Variants in OSTM1 observed in about 807,000 individuals in gnomAD.
The protein encoded by OSTM1 is osteoclastogenesis associated transmembrane protein 1, also known as osteopetrosis-associated transmembrane protein 1.
OSTM1 carries 26 observed loss-of-function variants against 35.4 expected under a neutral mutation model. The ratio of observed to expected loss-of-function variants is 0.73; its 90% CI spans 0.54 to 1.02. OSTM1 has a LOEUF of 1.02. Among genes scored for constraint, OSTM1 ranks in the 50% least tolerant of loss-of-function variants. OSTM1 has a pLI of 0.00. For missense variants in OSTM1, 366 were observed against 409.6 expected, an observed-to-expected ratio of 0.89 and a Z score of 0.92; for synonymous variants, 181 against 165.0, an observed-to-expected ratio of 1.10 and a Z score of -0.75.
chr6:108,063,213 TCTCA>T (rs548907105), intron 2 of OSTM1, among the ~76,000 whole-genome samples: 29 of 151,974 alleles, frequency 1.9e-4, no homozygotes, highest in Non-Finnish European at 4.0e-4. Context: ...GAGATGGGGG[TCTCA>T]CTATGTTCCC....
chr6:108,041,837 G>A lies in OSTM1; in HGVS notation c.*2948C>T, dbSNP rs1029070050. ...TCCCTAGGGATCCATCCAGCTCTGG[G>A]AATCTATCATCAGATGGCCTCTAAG... is the stretch of plus-strand genomic sequence containing the variant. On this transcript the variant is annotated 3_prime_UTR_variant, in exon 6 of 6. Coordinates refer to ENST00000193322, the MANE Select transcript of OSTM1 (RefSeq NM_014028.4). 2 of 152,176 alleles carry A rather than the reference G, an allele frequency of 1.3e-5. No homozygotes were observed. The highest frequency in any genetic ancestry group is 6.5e-5 in the Admixed American group (1 of 15,272). The allele number at this position is 152,176 out of a possible 1,614,324, so 9.4% of individuals were successfully genotyped here. A position where few individuals can be genotyped will look rare whatever the true frequency, so the allele number is the denominator to read the frequency against.
At chr6:108,058,529 C>T (rs1401573647) in intron 2 of OSTM1, among the ~76,000 whole-genome samples, 6 of 152,250 alleles carry the variant, frequency 3.9e-5, no homozygotes, top group African/African-American at 1.4e-4. Flanking sequence ...TGGCTCACGC[C>T]TGTAATCCCA....
chr6:108,070,564 T>C (rs965250626), intron 1 of OSTM1, among the ~76,000 whole-genome samples: 1 of 152,156 alleles, frequency 6.6e-6, no homozygotes, highest in Non-Finnish European at 1.5e-5. Flanking sequence ...CTGATTTCAA[T>C]AAAAGACTGA....
chr6:108,052,227 G>A (rs1452218877), intron 3 of OSTM1, among the ~76,000 whole-genome samples: 1 of 152,126 alleles, frequency 6.6e-6, no homozygotes, highest in Non-Finnish European at 1.5e-5. Context: ...AAGGTCAGGA[G>A]ATCGAGACCA....
intron 2 of OSTM1, among the ~76,000 whole-genome samples, chr6:108,056,433 T>G (rs1772170981): frequency 1.3e-5 from 2 of 152,164 alleles, no homozygotes; most frequent in Non-Finnish European, 2.9e-5. Flanking sequence ...ACTCGGAATC[T>G]ACAAATACAT....
At position 108,049,241 on chromosome 6, in the gene OSTM1, T is replaced by C. The variant is rs759357386; in HGVS notation, c.949+12A>G. 3 of 1,586,086 alleles carry C rather than the reference T, an allele frequency of 1.9e-6. No homozygotes were observed. In the African/African-American group the frequency reaches 4.1e-5, roughly 22 times the overall value. On this transcript the variant is annotated intron_variant, in intron 5 of 5. Transcript: ENST00000193322. ...CTTTTATCTATAAAATAAATAATTGTAAAAAACTTACGCAGAATGAGTTTG... is the reference window on the plus strand; with the variant it reads ...CTTTTATCTATAAAATAAATAATTGCAAAAAACTTACGCAGAATGAGTTTG...
chr6:108,051,567 CTCA>C (rs1772074175), intron 3 of OSTM1, among the ~76,000 whole-genome samples: 2 of 152,268 alleles, frequency 1.3e-5, no homozygotes, highest in Admixed American at 1.3e-4. Context: ...CCTAAATTAT[CTCA>C]TCATCACAAA....
chr6:108,074,712 G>C lies in OSTM1; in HGVS notation c.-61C>G, dbSNP rs982230507. On this transcript the variant is annotated 5_prime_UTR_variant, in exon 1 of 6. Coordinates refer to ENST00000193322, the MANE Select transcript of OSTM1 (RefSeq NM_014028.4). The stretch of plus-strand genomic sequence containing the variant: ...CCTCTCCGCCCCCAGCCGGCACCGC[G>C]GACAGCCGCCGCTTCCGGTTTCCGC... 7 of 1,437,710 alleles carry C rather than the reference G, an allele frequency of 4.9e-6. No homozygotes were observed. Among genetic ancestry groups the C allele is most frequent in the Non-Finnish European group, 6.4e-6 (7 of 1,101,828 alleles). 89.1% of individuals were successfully genotyped at this position (1,437,710 alleles called of 1,614,324 possible). A position where few individuals can be genotyped will look rare whatever the true frequency, so the allele number is the denominator to read the frequency against.
In OSTM1 at chr6:108,044,519, G is replaced by T; in HGVS notation, c.*266C>A. 3.6e-6 allele frequency: 1 copy of T among 275,150 alleles called. No homozygotes were observed. The highest frequency in any genetic ancestry group is 1.1e-4 in the South Asian group (1 of 8,888). The allele number at this position is 275,150 out of a possible 1,614,324, so 17.0% of individuals were successfully genotyped here. On this transcript the variant is annotated 3_prime_UTR_variant, in exon 6 of 6. Transcript: ENST00000193322. The stretch of plus-strand genomic sequence containing the variant: ...TCAAATGCCTATAAAATAAAATAAT[G>T]ATTGTTCTTGCATGTTCTGTTATTG...
chr6:108,059,461 A>G (rs1006155989), intron 2 of OSTM1, among the ~76,000 whole-genome samples: 8 of 152,136 alleles, frequency 5.3e-5, no homozygotes, highest in African/African-American at 1.7e-4. Context: ...TAGTACATGG[A>G]TGGCATTCTC....
intron 1 of OSTM1, among the ~76,000 whole-genome samples, chr6:108,068,028 C>T (rs1257180966): frequency 2.6e-5 from 4 of 152,066 alleles, no homozygotes; most frequent in African/African-American, 9.7e-5. Context: ...TACCCAAGGA[C>T]TCCATCAAAT....
At chr6:108,056,062 G>C (rs938362777) in intron 2 of OSTM1, among the ~76,000 whole-genome samples, 13 of 152,208 alleles carry the variant, frequency 8.5e-5, no homozygotes, top group Admixed American at 6.5e-4. Flanking sequence ...GGACTAGGTA[G>C]ACACTAGGAT....
intron 2 of OSTM1, among the ~76,000 whole-genome samples, chr6:108,056,249 T>C (rs1772167987): frequency 6.6e-6 from 1 of 152,238 alleles, no homozygotes; most frequent in South Asian, 2.1e-4. Context: ...TTATCTCCAT[T>C]TTATAAATAA....
chr6:108,071,460 A>ATTTTT (rs545759140), intron 1 of OSTM1, among the ~76,000 whole-genome samples: 14 of 103,412 alleles, frequency 1.4e-4, no homozygotes, highest in Non-Finnish European at 1.6e-4. Flanking sequence ...CACCCGGCTA[A>ATTTTT]TTTTTTTTTT....
At chr6:108,069,918 T>G (rs890673575) in intron 1 of OSTM1, among the ~76,000 whole-genome samples, 1 of 152,210 alleles carries the variant, frequency 6.6e-6, no homozygotes, top group East Asian at 1.9e-4. Context: ...TTCTCCTTAT[T>G]ATACTCCTCT....
In OSTM1 at chr6:108,042,796, T is replaced by C. The variant is rs991144931; in HGVS notation, c.*1989A>G. ...AATTACATCTGAAATTTTAAAAATG[T>C]ATTTAAAAATCCAAATAAAGCTTAC... On this transcript the variant is annotated 3_prime_UTR_variant, in exon 6 of 6. Transcript: ENST00000193322. The C allele has an allele frequency of 6.6e-6, 1 of 152,226 alleles. No homozygotes were observed. Among genetic ancestry groups the C allele is most frequent in the African/African-American group, 2.4e-5 (1 of 41,452 alleles). The allele number at this position is 152,226 out of a possible 1,614,324, so 9.4% of individuals were successfully genotyped here.
chr6:108,072,570 T>C (rs1029172444), intron 1 of OSTM1, among the ~76,000 whole-genome samples: 1 of 150,602 alleles, frequency 6.6e-6, no homozygotes, highest in African/African-American at 2.4e-5. Context: ...GAGGCGGAGA[T>C]TGCAGTGAGC....
In OSTM1 at chr6:108,042,847, T is replaced by C. The variant is rs1476196868; in HGVS notation, c.*1938A>G. 2.6e-5 allele frequency: 4 copies of C among 152,242 alleles called. No individual in the cohort carries two copies. The highest frequency in any genetic ancestry group is 5.9e-5 in the Non-Finnish European group (4 of 68,048). 9.4% of individuals were successfully genotyped at this position (152,242 alleles called of 1,614,324 possible). A position where few individuals can be genotyped will look rare whatever the true frequency, so the allele number is the denominator to read the frequency against. ...AATTTCCTTATTTCCTTTATTTTAA[T>C]GTGTCAAAAAAACACTTAAAGATAT... is the stretch of plus-strand genomic sequence containing the variant. On this transcript the variant is annotated 3_prime_UTR_variant, in exon 6 of 6. Transcript: ENST00000193322.
At chr6:108,072,258 A>G (rs1460694280) in intron 1 of OSTM1, among the ~76,000 whole-genome samples, 1 of 152,216 alleles carries the variant, frequency 6.6e-6, no homozygotes, top group Admixed American at 6.5e-5. Context: ...TTAAAGTGAT[A>G]GTAAGATATA....
Sources: allele counts gnomAD v4.1 joint callset (sites outside exome capture counted in the v4.1 genomes callset), GRCh38; gene constraint gnomAD v4.1.1; transcripts MANE v1.5; gene names NCBI Gene and HGNC (gene_info 2026-07-23, HGNC 2026-07-21).